The following PPP2R2C variants were observed in gnomAD, a reference collection of about 807,000 sequenced individuals.
The protein encoded by PPP2R2C is protein phosphatase 2 regulatory subunit Bgamma.
PPP2R2C carries 10 observed loss-of-function variants against 45.3 expected under a neutral mutation model. That is an observed-to-expected ratio of 0.22 (90% CI 0.14 to 0.37). The LOEUF is 0.37. Ranked by LOEUF, PPP2R2C falls within the 10% of genes least tolerant of loss-of-function variation. The pLI, the probability that PPP2R2C is intolerant of heterozygous loss-of-function variation, is 1.00. For synonymous variants in PPP2R2C, 257 were observed against 245.4 expected, an observed-to-expected ratio of 1.05 and a Z score of -0.44; for missense variants, 308 against 619.7, an observed-to-expected ratio of 0.50 and a Z score of 5.34.
At chr4:6,382,556 T>C in intron 1 of PPP2R2C, 2 of 1,336,536 alleles carry the variant, frequency 1.5e-6, no homozygotes, top group East Asian at 9.2e-5. Flanking sequence ...CTCTGCAGCT[T>C]CCCCAGTCTC....
At chr4:6,436,130 G>T (rs1719881532) in intron 1 of PPP2R2C, among the ~76,000 whole-genome samples, 1 of 152,200 alleles carries the variant, frequency 6.6e-6, no homozygotes, top group Non-Finnish European at 1.5e-5. Flanking sequence ...CAGGTCCTCA[G>T]CAGACACCAA....
chr4:6,324,639 G>A lies in PPP2R2C; in HGVS notation c.1053-1046C>T, dbSNP rs373510891. Among the ~76,000 whole-genome samples the A allele has an allele frequency of 8.4e-4, 128 of 152,338 alleles. No homozygotes were observed. Among genetic ancestry groups the A allele is most frequent in the African/African-American group, 3.0e-3 (126 of 41,580 alleles). On this transcript the variant is annotated intron_variant, in intron 8 of 8. Coordinates refer to ENST00000382599, the MANE Select transcript of PPP2R2C (RefSeq NM_020416.4). This position sits in a 1 kb window ranked among gnomAD's most constrained non-coding sequence, Gnocchi z 4.1. ...CGAATAAACAAACATGCATCGCCAT[G>A]AGGGTCGGGGCGAGCAGTGCTGACG...
chr4:6,515,149 T>G (rs982727445), intron 2 of PPP2R2C, among the ~76,000 whole-genome samples: 25 of 152,192 alleles, frequency 1.6e-4, no homozygotes, highest in Admixed American at 8.5e-4. Context: ...AACAGGATGC[T>G]AATACAGGTG....
rs113223715 is a variant in PPP2R2C, at chr4:6,390,082, G to C, written c.71-8988C>G. ...CCTAGCCTGAGACTCACAGCAAAAG[G>C]GTCTGGAGTTTGGGGTCTGATTCTG... On this transcript the variant is annotated intron_variant, in intron 1 of 8. Transcript: ENST00000382599. Among the ~76,000 whole-genome samples the C allele has an allele frequency of 9.2e-3, 1,406 of 152,244 alleles. 23 individuals are homozygous for C. The highest frequency in any genetic ancestry group is 0.031 in the African/African-American group (1,301 of 41,526).
At chr4:6,334,703 C>T (rs1295290031) in intron 6 of PPP2R2C, among the ~76,000 whole-genome samples, 3 of 152,172 alleles carry the variant, frequency 2.0e-5, no homozygotes, top group Non-Finnish European at 4.4e-5. Flanking sequence ...GAGTTGACAG[C>T]CATTCACCAG....
At chr4:6,466,206 G>A (rs1721584083) in intron 1 of PPP2R2C, among the ~76,000 whole-genome samples, 4 of 152,180 alleles carry the variant, frequency 2.6e-5, no homozygotes, top group Admixed American at 2.6e-4. Flanking sequence ...GCGTGCTGTG[G>A]GAGCCAATAT....
chr4:6,535,305 G>A (rs1724569491), exon 2 of PPP2R2C: 10 of 1,535,288 alleles, frequency 6.5e-6, no homozygotes, highest in African/African-American at 1.4e-5. Flanking sequence ...GCCTCAACGT[G>A]TCCGCCTCAC....
chr4:6,496,862 A>AAAATAAATAAAT (rs58136718), intron 2 of PPP2R2C, among the ~76,000 whole-genome samples: 36,364 of 138,614 alleles, frequency 0.26, 5,333 homozygotes, highest in East Asian at 0.38. Context: ...ACTCCATCTC[A>AAAATAAATAAAT]AAATAAATAA....
intron 2 of PPP2R2C, among the ~76,000 whole-genome samples, chr4:6,521,339 C>T (rs1475440744): frequency 4.6e-5 from 7 of 152,216 alleles, no homozygotes; most frequent in East Asian, 1.9e-4. Flanking sequence ...CAATTAGACA[C>T]GCACTCTTTA....
intron 6 of PPP2R2C, among the ~76,000 whole-genome samples, chr4:6,341,660 T>G (rs1733454084): frequency 6.6e-6 from 1 of 152,122 alleles, no homozygotes; most frequent in Non-Finnish European, 1.5e-5. Flanking sequence ...GAGGTGACCC[T>G]GGATAATCTG....
intron 2 of PPP2R2C, among the ~76,000 whole-genome samples, chr4:6,529,415 C>A (rs910506160): frequency 6.6e-6 from 1 of 152,244 alleles, no homozygotes; most frequent in South Asian, 2.1e-4. Context: ...ATAGTCAATG[C>A]GTGCACACCA....
At chr4:6,518,382 G>A (rs533077627) in intron 2 of PPP2R2C, among the ~76,000 whole-genome samples, 45 of 152,212 alleles carry the variant, frequency 3.0e-4, no homozygotes, top group East Asian at 9.6e-4. Flanking sequence ...TGAAAAGATC[G>A]ATAAAATTAA....
chr4:6,480,982 T>A (rs1722327784), intron 2 of PPP2R2C, among the ~76,000 whole-genome samples: 1 of 152,248 alleles, frequency 6.6e-6, no homozygotes, highest in Non-Finnish European at 1.5e-5. Context: ...ATTGCCCATG[T>A]CTCCATTGGA....
At chr4:6,468,571 C>T (rs1400616439) in intron 1 of PPP2R2C, among the ~76,000 whole-genome samples, 1 of 152,146 alleles carries the variant, frequency 6.6e-6, no homozygotes, top group Non-Finnish European at 1.5e-5. Flanking sequence ...CTGTCAGGCA[C>T]ATGAGAGTGA....
intron 2 of PPP2R2C, among the ~76,000 whole-genome samples, chr4:6,495,083 G>A (rs1025541328): frequency 1.3e-5 from 2 of 152,182 alleles, no homozygotes; most frequent in East Asian, 1.9e-4. Context: ...ACAGCTGAGG[G>A]CCCTGCCTCT....
At chr4:6,511,658 T>G (rs1250154405) in intron 2 of PPP2R2C, among the ~76,000 whole-genome samples, 1 of 91,508 alleles carries the variant, frequency 1.1e-5, no homozygotes, top group Non-Finnish European at 2.2e-5. Context: ...GTGGTGATGG[T>G]GGTGGTGATG....
chr4:6,359,624 TA>T (rs34585147), intron 5 of PPP2R2C, among the ~76,000 whole-genome samples: 130 of 143,950 alleles, frequency 9.0e-4, no homozygotes, highest in East Asian at 2.2e-3. Context: ...ATTTCACCTG[TA>T]AAAAAAAAAA....
chr4:6,333,558 C>T lies in PPP2R2C; in HGVS notation c.960+4G>A, dbSNP rs1258016991. 11 of 1,612,124 alleles carry T rather than the reference C, an allele frequency of 6.8e-6. No individual in the cohort carries two copies. Among genetic ancestry groups the T allele is most frequent in the Non-Finnish European group, 8.5e-6 (10 of 1,178,556 alleles). ...GATTGGGGGTCTCCTGCTGTGGTGC[C>T]CACCTGGTAGGTCTCTATGGGTCTT... On this transcript the variant is annotated splice_donor_region_variant and intron_variant, in intron 7 of 8. Coordinates refer to ENST00000382599, the MANE Select transcript of PPP2R2C (RefSeq NM_020416.4).
chr4:6,549,973 G>A (rs1435399998), intron 1 of PPP2R2C, among the ~76,000 whole-genome samples: 1 of 152,168 alleles, frequency 6.6e-6, no homozygotes, highest in Non-Finnish European at 1.5e-5. Flanking sequence ...CTCACCCTGT[G>A]CCAATAAAGG....
Sources: allele counts gnomAD v4.1 joint callset (sites outside exome capture counted in the v4.1 genomes callset), GRCh38; gene constraint gnomAD v4.1.1; non-coding constraint Gnocchi (gnomAD v3.1); transcripts MANE v1.5; gene names NCBI Gene and HGNC (gene_info 2026-07-23, HGNC 2026-07-21).